The following CCDC102B variants were observed in gnomAD, a reference collection of about 807,000 sequenced individuals.
The protein encoded by CCDC102B is coiled-coil domain-containing protein 102B.
CCDC102B carries 75 observed loss-of-function variants against 57.4 expected under a neutral mutation model. The ratio of observed to expected loss-of-function variants is 1.31; its 90% CI spans 1.08 to 1.58. The LOEUF is 1.58. CCDC102B is among the 40% of genes most tolerant of loss of function. The pLI, the probability that CCDC102B is intolerant of heterozygous loss-of-function variation, is 0.00. For missense variants in CCDC102B, 636 were observed against 582.6 expected (o/e 1.09, Z -0.94); for synonymous variants, 206 against 201.9 (o/e 1.02, Z -0.17).
intron 6 of CCDC102B, chr18:68,899,683 C>T (rs2040369083): frequency 6.6e-6 from 1 of 151,986 alleles, no homozygotes; most frequent in Non-Finnish European, 1.5e-5. Context: ...ATCAAGAACC[C>T]CACATAAATT....
intron 7 of CCDC102B, among the ~76,000 whole-genome samples, chr18:69,040,901 G>T (rs2052417796): frequency 6.6e-6 from 1 of 151,938 alleles, no homozygotes; most frequent in Admixed American, 6.6e-5. Flanking sequence ...CCTGGGTGAG[G>T]TAAGAGGCAT....
chr18:68,837,667 G>A (rs1002369829), intron 2 of CCDC102B, among the ~76,000 whole-genome samples: 4 of 152,192 alleles, frequency 2.6e-5, no homozygotes, highest in Admixed American at 2.0e-4. Flanking sequence ...ACACATGTCT[G>A]TGTCTTAAGG....
upstream of CCDC102B, among the ~76,000 whole-genome samples, chr18:68,795,696 G>C (rs1306288817): frequency 6.6e-6 from 1 of 152,120 alleles, no homozygotes; most frequent in South Asian, 2.1e-4. Context: ...CCCTCACCCA[G>C]TATGGCCTCA....
intron 6 of CCDC102B, among the ~76,000 whole-genome samples, chr18:68,964,139 T>C (rs535382279): frequency 6.6e-6 from 1 of 152,034 alleles, no homozygotes; most frequent in African/African-American, 2.4e-5. Flanking sequence ...GAGTCAGATA[T>C]TTAAGGTTTC....
intron 6 of CCDC102B, among the ~76,000 whole-genome samples, chr18:68,987,651 C>T (rs1465814746): frequency 6.6e-6 from 1 of 152,044 alleles, no homozygotes; most frequent in Non-Finnish European, 1.5e-5. Flanking sequence ...ACAAGCTATG[C>T]ATCTGACAAA....
intron 6 of CCDC102B, among the ~76,000 whole-genome samples, chr18:68,935,351 C>T (rs751585139): frequency 3.3e-5 from 5 of 151,714 alleles, no homozygotes; most frequent in African/African-American, 4.8e-5. Flanking sequence ...AGAATGACTC[C>T]GGGTAACAAG....
chr18:68,787,516 T>G (rs375101199), intron 2 of CCDC102B, among the ~76,000 whole-genome samples: 7,002 of 145,920 alleles, frequency 0.048, 338 homozygotes, highest in African/African-American at 0.12. Flanking sequence ...TCCTGTTATT[T>G]GTCTATTCAG....
chr18:68,995,899 G>A lies in CCDC102B; in HGVS notation c.1264-15035G>A, dbSNP rs190977283. Among the ~76,000 whole-genome samples, 591 of 152,270 alleles carry A rather than the reference G, an allele frequency of 3.9e-3. 12 individuals carry two copies. The highest frequency in any genetic ancestry group is 1.1e-3 in the Non-Finnish European group (77 of 68,028). Reference sequence around the variant, plus strand: ...TCAATGCCAGCCCATGAAAGCAGCCGCAATGGGGCTGGTACCCTGCAAAGC... The same window carrying A: ...TCAATGCCAGCCCATGAAAGCAGCCACAATGGGGCTGGTACCCTGCAAAGC... On this transcript the variant is annotated intron_variant, in intron 6 of 7. Coordinates refer to ENST00000360242, the MANE Select transcript of CCDC102B (RefSeq NM_024781.3).
At chr18:68,965,356 T>A (rs2050142514) in intron 6 of CCDC102B, among the ~76,000 whole-genome samples, 1 of 151,656 alleles carries the variant, frequency 6.6e-6, no homozygotes. Flanking sequence ...AGCTATTGAT[T>A]TTTAAAATAT....
intron 5 of CCDC102B, among the ~76,000 whole-genome samples, chr18:68,889,933 A>G (rs886351206): frequency 3.3e-5 from 5 of 152,200 alleles, no homozygotes; most frequent in African/African-American, 4.8e-5. Context: ...TCAGGCATGC[A>G]TGTGTTCTGT....
rs376875725 is a variant in CCDC102B at position 68,864,267 on chromosome 18, AT to A, written c.937-10397del. Among the ~76,000 whole-genome samples, 58 of 152,084 alleles carry A rather than the reference AT, an allele frequency of 3.8e-4. No individual in the cohort carries two copies. In the South Asian group the frequency reaches 0.012, roughly 31 times the overall value. On this transcript the variant is annotated intron_variant, in intron 4 of 7. Coordinates refer to ENST00000360242, the MANE Select transcript of CCDC102B (RefSeq NM_024781.3). ...GTTCCTTCTAGTTTATTCTGAAACA[AT>A]TTTTCTTTTCCTATATTTTCTATTC...
At chr18:68,728,578 A>G (rs1283936286) in intron 2 of CCDC102B, among the ~76,000 whole-genome samples, 1 of 152,220 alleles carries the variant, frequency 6.6e-6, no homozygotes, top group East Asian at 1.9e-4. Flanking sequence ...GACCTGAAGC[A>G]GGCAGAATGC....
intron 1 of CCDC102B, among the ~76,000 whole-genome samples, chr18:68,819,143 C>T (rs560802455): frequency 1.8e-4 from 28 of 152,090 alleles, no homozygotes; most frequent in African/African-American, 3.9e-4. Context: ...TTTTACTTTA[C>T]GGTTAATGCT....
At chr18:68,850,089 C>A in intron 4 of CCDC102B, among the ~76,000 whole-genome samples, 1 of 152,064 alleles carries the variant, frequency 6.6e-6, no homozygotes. Context: ...GCATGTTGAG[C>A]AATGCATTTA....
At chr18:68,861,501 G>T (rs2038755571) in intron 4 of CCDC102B, among the ~76,000 whole-genome samples, 10 of 152,070 alleles carry the variant, frequency 6.6e-5, no homozygotes, top group Admixed American at 6.6e-4. Flanking sequence ...TTTAAGTCTT[G>T]TTAGATGAGA....
At chr18:68,882,131 T>C (rs2039713464) in intron 5 of CCDC102B, among the ~76,000 whole-genome samples, 1 of 152,176 alleles carries the variant, frequency 6.6e-6, no homozygotes, top group Non-Finnish European at 1.5e-5. Flanking sequence ...TAATTTGCAT[T>C]GCAAAAGCTG....
intron 6 of CCDC102B, among the ~76,000 whole-genome samples, chr18:68,958,363 ACATAG>A (rs2049961269): frequency 6.6e-6 from 1 of 152,228 alleles, no homozygotes. Flanking sequence ...TGTTGATATG[ACATAG>A]CACCTTGATT....
rs181459833 is a variant in CCDC102B, at chr18:68,820,066, A to C, written c.-15-16683A>C. Reference sequence around the variant, plus strand: ...CTATTTAATTTCCTTTCCTCATCACACTAATGGCTAGACTTCTCCTTTTGT... The same window carrying C: ...CTATTTAATTTCCTTTCCTCATCACCCTAATGGCTAGACTTCTCCTTTTGT... On this transcript the variant is annotated intron_variant, in intron 1 of 7. Coordinates refer to ENST00000360242, the MANE Select transcript of CCDC102B (RefSeq NM_024781.3). 1.4e-4 allele frequency among the ~76,000 whole-genome samples: 22 copies of C among 152,140 alleles called. No homozygotes were observed. In the East Asian group the frequency reaches 4.3e-3, roughly 29 times the overall value.
At chr18:69,026,142 A>G (rs2051983798) in intron 7 of CCDC102B, among the ~76,000 whole-genome samples, 2 of 152,178 alleles carry the variant, frequency 1.3e-5, no homozygotes, top group East Asian at 1.9e-4. Context: ...GGTGAAAAGG[A>G]GCTGGAATAC....
Sources: allele counts gnomAD v4.1 joint callset (sites outside exome capture counted in the v4.1 genomes callset), GRCh38; gene constraint gnomAD v4.1.1; transcripts MANE v1.5; gene names NCBI Gene and HGNC (gene_info 2026-07-23, HGNC 2026-07-21).